KCTD20: variants seen among roughly 807,000 people sequenced by gnomAD.
KCTD20 encodes the protein potassium channel tetramerization domain containing 20, also known as BTB/POZ domain-containing protein KCTD20.
KCTD20 carries 30 observed loss-of-function variants against 39.6 expected under a neutral mutation model. The ratio of observed to expected loss-of-function variants is 0.76; its 90% CI spans 0.57 to 1.03. The LOEUF (loss-of-function observed/expected upper bound fraction) is 1.03, where lower values mean the gene tolerates loss of function less well. Ranked by LOEUF, KCTD20 falls within the 50% of genes least tolerant of loss-of-function variation. The pLI, the probability that KCTD20 is intolerant of heterozygous loss-of-function variation, is 0.00. For synonymous variants in KCTD20, 162 were observed against 180.6 expected, an observed-to-expected ratio of 0.90 and a Z score of 0.83; for missense variants, 422 against 522.0, an observed-to-expected ratio of 0.81 and a Z score of 1.87.
chr6:36,452,999 C>CTTT lies in KCTD20; in HGVS notation c.-47+9911_-47+9913dup, dbSNP rs59865602. 1.9e-3 allele frequency among the ~76,000 whole-genome samples: 109 copies of CTTT among 58,136 alleles called. 1 individual carries two copies. The highest frequency in any genetic ancestry group is 2.4e-3 in the Non-Finnish European group (77 of 32,574). The allele number at this position is 58,136 out of a possible 152,430, so 38.1% of individuals were successfully genotyped here. On this transcript the variant is annotated intron_variant, in intron 1 of 7. Transcript: ENST00000373731. ...TTTTAGGGCTTATCAGTTTTCTTAG[C>CTTT]TTTTTTTTTTTTTTTTTTTTTTTTT...
At chr6:36,477,620 C>T (rs530080803) in intron 3 of KCTD20, among the ~76,000 whole-genome samples, 5 of 151,124 alleles carry the variant, frequency 3.3e-5, no homozygotes, top group Admixed American at 3.3e-4. Context: ...GCTGGGACTA[C>T]AGGCGCCCAT....
At chr6:36,477,970 C>G (rs1398624461) in intron 3 of KCTD20, among the ~76,000 whole-genome samples, 1 of 151,406 alleles carries the variant, frequency 6.6e-6, no homozygotes, top group Non-Finnish European at 1.5e-5. Flanking sequence ...TGGCGGGCGC[C>G]TGTAGTCCCA....
intron 2 of KCTD20, among the ~76,000 whole-genome samples, chr6:36,472,921 GAC>G (rs1312165970): frequency 9.3e-5 from 14 of 151,052 alleles, no homozygotes; most frequent in Non-Finnish European, 1.5e-5. Flanking sequence ...TCTTTTTTGA[GAC>G]AGAGTCTTGC....
chr6:36,483,641 G>A (rs1776330298), intron 6 of KCTD20, among the ~76,000 whole-genome samples: 1 of 151,962 alleles, frequency 6.6e-6, no homozygotes, highest in African/African-American at 2.4e-5. Flanking sequence ...CAGCCTCCAA[G>A]TAGCCTGGGC....
At chr6:36,449,893 G>A (rs1341705095) in intron 1 of KCTD20, among the ~76,000 whole-genome samples, 4 of 152,202 alleles carry the variant, frequency 2.6e-5, no homozygotes, top group East Asian at 3.9e-4. Context: ...GGCCGGGCGC[G>A]GTGGCTCACG....
intron 7 of KCTD20, among the ~76,000 whole-genome samples, 164 bp downstream of exon 7, chr6:36,484,988 T>C (rs1302656614): frequency 1.3e-5 from 2 of 152,238 alleles, no homozygotes; most frequent in Non-Finnish European, 2.9e-5. Context: ...TTTCTTTTCA[T>C]TTTATCTCCA....
At chr6:36,474,193 T>G (rs1775995388) in intron 2 of KCTD20, among the ~76,000 whole-genome samples, 1 of 151,560 alleles carries the variant, frequency 6.6e-6, no homozygotes, top group African/African-American at 2.4e-5. Flanking sequence ...CATCTAGCAT[T>G]AGCTATATCT....
rs368177380 is a variant in KCTD20 at position 36,474,231 on chromosome 6, C to A, written c.161-558C>A. ...CGATGCTATCCCTCCCCCCTCCCCC[C>A]ACCCCACAACAGTCACCAGAGTGTA... On this transcript the variant is annotated intron_variant, in intron 2 of 7. Coordinates refer to ENST00000373731, the MANE Select transcript of KCTD20 (RefSeq NM_173562.5). 3.9e-5 allele frequency among the ~76,000 whole-genome samples: 5 copies of A among 126,792 alleles called. No homozygotes were observed. In the South Asian group the frequency reaches 1.1e-3, roughly 29 times the overall value. The allele number at this position is 126,792 out of a possible 152,430, so 83.2% of individuals were successfully genotyped here.
At chr6:36,462,255 C>A (rs1775622511) in intron 1 of KCTD20, among the ~76,000 whole-genome samples, 1 of 152,076 alleles carries the variant, frequency 6.6e-6, no homozygotes, top group Non-Finnish European at 1.5e-5. Flanking sequence ...TTTATAGGAT[C>A]CTTTGCCATA....
At chr6:36,449,624 A>C (rs989521667) in intron 1 of KCTD20, among the ~76,000 whole-genome samples, 1 of 152,216 alleles carries the variant, frequency 6.6e-6, no homozygotes, top group Non-Finnish European at 1.5e-5. Context: ...AAGTTCTCCA[A>C]GTCCCCACTC....
chr6:36,458,557 AAAAG>A (rs1775507622), intron 1 of KCTD20, among the ~76,000 whole-genome samples: 1 of 150,410 alleles, frequency 6.6e-6, no homozygotes, highest in Non-Finnish European at 1.5e-5. Flanking sequence ...AAAAAAAAAA[AAAAG>A]AAAAGAAAGA....
intron 1 of KCTD20, among the ~76,000 whole-genome samples, chr6:36,466,684 T>C (rs1775764391): frequency 6.6e-6 from 1 of 152,078 alleles, no homozygotes; most frequent in Non-Finnish European, 1.5e-5. Flanking sequence ...GCCTTGCCTT[T>C]TTTTCTTTCC....
rs751223984 is a variant in KCTD20 at position 36,481,557 on chromosome 6, T to C, written c.659-5T>C. The stretch of plus-strand genomic sequence containing the variant: ...AGCATGTTCACCTACATTTTCTCTC[T>C]GCAGGTGCTTTACTCCATGAACTGT... On this transcript the variant is annotated splice_polypyrimidine_tract_variant and splice_region_variant and intron_variant, in intron 5 of 7. Coordinates refer to ENST00000373731, the MANE Select transcript of KCTD20 (RefSeq NM_173562.5). 5.0e-6 allele frequency: 8 copies of C among 1,612,096 alleles called. No homozygotes were observed. In the Admixed American group the frequency reaches 8.3e-5, roughly 17 times the overall value.
intron 1 of KCTD20, among the ~76,000 whole-genome samples, chr6:36,461,744 G>A (rs11970135): frequency 2.0e-4 from 31 of 152,230 alleles, no homozygotes; most frequent in Middle Eastern, 3.4e-3. Context: ...TGACAAAAAC[G>A]TACTAAGGGT....
At chr6:36,466,180 A>C (rs1467660813) in intron 1 of KCTD20, among the ~76,000 whole-genome samples, 3 of 150,300 alleles carry the variant, frequency 2.0e-5, no homozygotes, top group African/African-American at 7.4e-5. Context: ...CTCCTGCCTC[A>C]GCCTCCCGAG....
chr6:36,477,760 A>G (rs552338144), intron 3 of KCTD20, among the ~76,000 whole-genome samples: 1 of 147,882 alleles, frequency 6.8e-6, no homozygotes, highest in East Asian at 2.1e-4. Context: ...CTGGGATTAC[A>G]GGCGTGAGCC....
At chr6:36,478,347 G>T (rs942440639) in intron 3 of KCTD20, among the ~76,000 whole-genome samples, 2 of 152,142 alleles carry the variant, frequency 1.3e-5, no homozygotes, top group African/African-American at 4.8e-5. Context: ...GACTGCAAGG[G>T]ATCTGATAGA....
At chr6:36,464,110 T>G (rs1775675117) in intron 1 of KCTD20, among the ~76,000 whole-genome samples, 2 of 152,134 alleles carry the variant, frequency 1.3e-5, no homozygotes, top group African/African-American at 2.4e-5. Context: ...TGTACATCCT[T>G]AGTGGGATAT....
intron 6 of KCTD20, among the ~76,000 whole-genome samples, chr6:36,483,263 CTTTTTTTTT>C (rs766717414): frequency 1.4e-4 from 11 of 76,728 alleles, no homozygotes; most frequent in African/African-American, 5.3e-4. Flanking sequence ...GTGGCTTTTT[CTTTTTTTTT>C]TTTTTTTTTT....
Sources: allele counts gnomAD v4.1 joint callset (sites outside exome capture counted in the v4.1 genomes callset), GRCh38; gene constraint gnomAD v4.1.1; transcripts MANE v1.5; gene names NCBI Gene and HGNC (gene_info 2026-07-23, HGNC 2026-07-21).